The following SLC45A4 variants were observed in gnomAD, a reference collection of about 807,000 sequenced individuals.
SLC45A4 encodes the protein polyamine-transporter SLC45A4.
In SLC45A4, 32 loss-of-function variants were observed where a neutral mutation model predicts 63.7. The ratio of observed to expected loss-of-function variants is 0.50; its 90% CI spans 0.38 to 0.67. The LOEUF (loss-of-function observed/expected upper bound fraction) is 0.67, where lower values mean the gene tolerates loss of function less well. SLC45A4 is among the 30% of genes least tolerant of loss of function. The pLI is 0.00. For missense variants in SLC45A4, 1,027 were observed against 1,157.7 expected (o/e 0.89, Z 1.64); for synonymous variants, 535 against 510.0 (o/e 1.05, Z -0.66).
intron 3 of SLC45A4, among the ~76,000 whole-genome samples, chr8:141,220,535 C>T (rs1826545386): frequency 6.6e-6 from 1 of 152,238 alleles, no homozygotes; most frequent in Admixed American, 6.5e-5. Flanking sequence ...GGCTGAGGCT[C>T]ACCTTGGGTC....
At chr8:141,275,287 A>G (rs989108279) in intron 1 of SLC45A4, among the ~76,000 whole-genome samples, 1 of 152,240 alleles carries the variant, frequency 6.6e-6, no homozygotes, top group African/African-American at 2.4e-5. Flanking sequence ...AAGATGAACA[A>G]TATCTCCTAG....
intron 1 of SLC45A4, among the ~76,000 whole-genome samples, chr8:141,298,334 G>A (rs926301688): frequency 6.6e-6 from 1 of 152,230 alleles, no homozygotes; most frequent in African/African-American, 2.4e-5. Context: ...CCCAGCCATG[G>A]GTCAGATGCC....
chr8:141,228,626 A>T, intron 2 of SLC45A4: 1 of 1,081,690 alleles, frequency 9.2e-7, no homozygotes, highest in Non-Finnish European at 1.1e-6. Context: ...ACAAGCAAAC[A>T]TCTTTGTGAT....
intron 1 of SLC45A4, among the ~76,000 whole-genome samples, chr8:141,265,803 T>G (rs1829243402): frequency 6.6e-6 from 1 of 152,160 alleles, no homozygotes. Context: ...GGGCAGATTT[T>G]CCCCAGCATG....
At chr8:141,250,734 G>A (rs550250186) in intron 2 of SLC45A4, among the ~76,000 whole-genome samples, 100 of 152,206 alleles carry the variant, frequency 6.6e-4, no homozygotes, top group Admixed American at 1.2e-3. Flanking sequence ...TATGACGTGC[G>A]GTGCGGTAGG....
intron 1 of SLC45A4, among the ~76,000 whole-genome samples, chr8:141,281,206 G>A (rs1372396074): frequency 6.6e-6 from 1 of 152,186 alleles, no homozygotes. Context: ...GGGTGTGGTG[G>A]CAGGCGCCTG....
intron 2 of SLC45A4, among the ~76,000 whole-genome samples, chr8:141,231,898 C>G (rs1252676098): frequency 6.6e-6 from 1 of 152,230 alleles, no homozygotes; most frequent in Non-Finnish European, 1.5e-5. Context: ...ATCAGGAGAC[C>G]CCACTTCAGT....
intron 1 of SLC45A4, among the ~76,000 whole-genome samples, chr8:141,291,675 C>A (rs1335903240): frequency 6.6e-6 from 1 of 152,202 alleles, no homozygotes; most frequent in Non-Finnish European, 1.5e-5. Flanking sequence ...GGTAAAACTA[C>A]TGGCATCTGT....
At chr8:141,260,957 A>G (rs898026161) in intron 1 of SLC45A4, among the ~76,000 whole-genome samples, 2 of 152,258 alleles carry the variant, frequency 1.3e-5, no homozygotes, top group African/African-American at 4.8e-5. Context: ...CTTGATGAAC[A>G]TTGATGCAAA....
rs540431933 is a variant in SLC45A4, at chr8:141,235,218, G to A, written c.242-13453C>T. 7.9e-5 allele frequency among the ~76,000 whole-genome samples: 12 copies of A among 152,286 alleles called. No homozygotes were observed. The East Asian group carries it at 2.3e-3, about 29-fold the overall frequency. The stretch of plus-strand genomic sequence containing the variant: ...AGGTGATATGAAACCAGCAGGGAAC[G>A]GCACTGACTGCTCAAATGCCACCCC... On this transcript the variant is annotated intron_variant, in intron 2 of 8. Coordinates refer to ENST00000517878, the MANE Select transcript of SLC45A4 (RefSeq NM_001286646.2).
Position 141,227,438 on chromosome 8 carries a change from A to G in SLC45A4, c.242-5673T>C, listed in dbSNP as rs146018229. ...ATGGACAAAGCTTCCACATCAAGAT[A>G]CGCTTGTGTGCTGGGACCAAATGCC... On this transcript the variant is annotated intron_variant, in intron 2 of 8. Coordinates refer to ENST00000517878, the MANE Select transcript of SLC45A4 (RefSeq NM_001286646.2). The surrounding 1 kb of genome is among the most constrained non-coding windows in gnomAD (Gnocchi z 4.4). 1.9e-3 allele frequency among the ~76,000 whole-genome samples: 292 copies of G among 152,368 alleles called. 3 individuals are homozygous for G. Among genetic ancestry groups the G allele is most frequent in the African/African-American group, 6.7e-3 (279 of 41,588 alleles).
chr8:141,219,099 C>G, intron 4 of SLC45A4, 70 bp from the exon 5 acceptor site: 11 of 1,533,934 alleles, frequency 7.2e-6, no homozygotes, highest in East Asian at 2.3e-5. Flanking sequence ...TCTGGGAGGG[C>G]CTCTCCCTCT....
chr8:141,256,160 G>A lies in SLC45A4; in HGVS notation c.-400-1531C>T, dbSNP rs2154614719. On this transcript the variant is annotated intron_variant, in intron 1 of 8. Transcript: ENST00000517878. This position sits in a 1 kb window ranked among gnomAD's most constrained non-coding sequence, Gnocchi z 4.3. ...CCACCTTGGAAATGTTTTAGGAAAT[G>A]AGGTCAATCTCTCCTCAGGTAAGAT... Among the ~76,000 whole-genome samples, 1 of 152,166 alleles carries A rather than the reference G, an allele frequency of 6.6e-6. No individual in the cohort carries two copies. The highest frequency in any genetic ancestry group is 1.9e-4 in the East Asian group (1 of 5,190).
intron 1 of SLC45A4, among the ~76,000 whole-genome samples, chr8:141,265,173 G>A (rs1276683531): frequency 3.9e-5 from 6 of 152,192 alleles, no homozygotes; most frequent in African/African-American, 1.4e-4. Flanking sequence ...TCCATTTCCC[G>A]AGAGACAACA....
At chr8:141,291,335 G>A (rs1030716) in intron 1 of SLC45A4, among the ~76,000 whole-genome samples, 145,635 of 152,320 alleles carry the variant, frequency 0.96, 69,988 homozygotes, top group Middle Eastern at 1. Context: ...GGACACACAC[G>A]CGTTCATCTA....
At chr8:141,288,391 A>G (rs952464775) in intron 1 of SLC45A4, among the ~76,000 whole-genome samples, 7 of 152,252 alleles carry the variant, frequency 4.6e-5, no homozygotes, top group Non-Finnish European at 8.8e-5. Context: ...TGCAAATTGC[A>G]AGCGCATCGG....
intron 2 of SLC45A4, among the ~76,000 whole-genome samples, chr8:141,236,500 A>G (rs1378346581): frequency 6.6e-6 from 1 of 152,232 alleles, no homozygotes; most frequent in Non-Finnish European, 1.5e-5. Context: ...CACTTTAAAA[A>G]GGGGGCAAAC....
At chr8:141,232,916 G>A (rs1334730719) in intron 2 of SLC45A4, among the ~76,000 whole-genome samples, 2 of 152,236 alleles carry the variant, frequency 1.3e-5, no homozygotes, top group East Asian at 1.9e-4. Flanking sequence ...TTTCCATGGT[G>A]TAGATGCTAC....
In SLC45A4 at chr8:141,217,909, G is replaced by A. The variant is rs78999074; in HGVS notation, c.1629+102C>T. 2.7e-3 allele frequency: 3,677 copies of A among 1,371,226 alleles called. 88 individuals are homozygous for A. The African/African-American group carries it at 0.048, about 18-fold the overall frequency. 84.9% of individuals were successfully genotyped at this position (1,371,226 alleles called of 1,614,324 possible). A position where few individuals can be genotyped will look rare whatever the true frequency, so the allele number is the denominator to read the frequency against. ...AGGCACTGTGTGGCCTCCCTGACACGCGTGGGCACGAGGAAGAGGCCCCCC... is the reference window on the plus strand; with the variant it reads ...AGGCACTGTGTGGCCTCCCTGACACACGTGGGCACGAGGAAGAGGCCCCCC... On this transcript the variant is annotated intron_variant, in intron 5 of 8. Transcript: ENST00000517878.
Sources: gnomAD v4.1 joint callset for allele counts (sites outside exome capture counted in the v4.1 genomes callset) on GRCh38, gnomAD v4.1.1 for gene constraint, Gnocchi (gnomAD v3.1) non-coding constraint, MANE v1.5 for transcripts, NCBI Gene and HGNC (gene_info 2026-07-23, HGNC 2026-07-21) for gene names.